The following GRID1 variants were observed in gnomAD, a reference collection of about 807,000 sequenced individuals.
The protein encoded by GRID1 is glutamate ionotropic receptor delta type subunit 1.
GRID1 carries 28 observed loss-of-function variants against 98.0 expected under a neutral mutation model. The observed-to-expected ratio is 0.29, with a 90% CI of 0.21 to 0.39. The LOEUF is 0.39. Ranked by LOEUF, GRID1 falls within the 10% of genes least tolerant of loss-of-function variation. The pLI, the probability that GRID1 is intolerant of heterozygous loss-of-function variation, is 1.00. For missense variants in GRID1, 1,111 were observed against 1,340.5 expected (o/e 0.83, Z 2.67); for synonymous variants, 553 against 538.5 (o/e 1.03, Z -0.37).
At chr10:85,911,702 T>C (rs1396999800) in intron 5 of GRID1, among the ~76,000 whole-genome samples, 1 of 152,190 alleles carries the variant, frequency 6.6e-6, no homozygotes, top group Non-Finnish European at 1.5e-5. Context: ...ACAAACACAG[T>C]GCTTCAAGTC....
intron 13 of GRID1, among the ~76,000 whole-genome samples, chr10:85,631,740 G>T (rs1467759996): frequency 1.3e-5 from 2 of 152,132 alleles, no homozygotes; most frequent in East Asian, 3.9e-4. Context: ...AATCTAATCT[G>T]AGTTATTCCA....
At chr10:86,194,060 C>G (rs1484917044) in intron 3 of GRID1, among the ~76,000 whole-genome samples, 1 of 152,130 alleles carries the variant, frequency 6.6e-6, no homozygotes, top group Non-Finnish European at 1.5e-5. Flanking sequence ...GGGGCCAGAA[C>G]AAGGTCTGTT....
At chr10:85,854,980 A>C (rs1843095429) in intron 7 of GRID1, among the ~76,000 whole-genome samples, 1 of 152,172 alleles carries the variant, frequency 6.6e-6, no homozygotes, top group Non-Finnish European at 1.5e-5. Flanking sequence ...CCAGGGGCTC[A>C]CCTTAGCCTA....
intron 8 of GRID1, among the ~76,000 whole-genome samples, chr10:85,774,725 A>G (rs1842311538): frequency 6.6e-6 from 1 of 150,990 alleles, no homozygotes; most frequent in Non-Finnish European, 1.5e-5. Flanking sequence ...ACATGAAAAA[A>G]TGCTCACCAT....
chr10:85,657,985 C>T (rs946417051), intron 12 of GRID1, among the ~76,000 whole-genome samples: 1 of 152,172 alleles, frequency 6.6e-6, no homozygotes, highest in Non-Finnish European at 1.5e-5. Flanking sequence ...TTTGCTGCCA[C>T]AAATCAAGAC....
chr10:85,810,316 C>A (rs1842659876), intron 8 of GRID1, among the ~76,000 whole-genome samples: 1 of 152,202 alleles, frequency 6.6e-6, no homozygotes, highest in Admixed American at 6.5e-5. Context: ...CTGCTCAGAG[C>A]CTGGGCCCAG....
intron 4 of GRID1, among the ~76,000 whole-genome samples, chr10:85,934,324 G>A (rs575924251): frequency 2.6e-5 from 4 of 151,680 alleles, no homozygotes; most frequent in East Asian, 1.9e-4. Flanking sequence ...CAAAAATAAC[G>A]TAAGTATAAA....
chr10:85,929,802 C>T (rs1841824794), intron 4 of GRID1, among the ~76,000 whole-genome samples: 1 of 152,214 alleles, frequency 6.6e-6, no homozygotes, highest in African/African-American at 2.4e-5. Flanking sequence ...TCATCTGTTT[C>T]TTTGGGATTT....
chr10:86,011,570 T>C (rs1842923923), intron 4 of GRID1, among the ~76,000 whole-genome samples: 1 of 152,182 alleles, frequency 6.6e-6, no homozygotes, highest in Non-Finnish European at 1.5e-5. Context: ...CTCAGATCTC[T>C]AAATCTGAGG....
intron 12 of GRID1, among the ~76,000 whole-genome samples, chr10:85,685,879 T>A (rs1841263281): frequency 6.6e-6 from 1 of 152,004 alleles, no homozygotes; most frequent in Admixed American, 6.5e-5. Flanking sequence ...TTATGATACA[T>A]AGTGATGTAT....
intron 2 of GRID1, among the ~76,000 whole-genome samples, chr10:86,356,722 G>A (rs7904985): frequency 0.24 from 36,000 of 152,158 alleles, 4,909 homozygotes; most frequent in South Asian, 0.45. Context: ...CTCATACAAC[G>A]GGAAACACAG....
chr10:86,269,314 G>A (rs542806605), intron 2 of GRID1, among the ~76,000 whole-genome samples: 5 of 152,316 alleles, frequency 3.3e-5, no homozygotes, highest in East Asian at 3.9e-4. Context: ...GCTCCAGCAC[G>A]GCCAGGTAAC....
intron 4 of GRID1, among the ~76,000 whole-genome samples, chr10:86,135,357 C>T (rs899430481): frequency 6.6e-6 from 1 of 152,178 alleles, no homozygotes; most frequent in Admixed American, 6.5e-5. Context: ...GCAGAACAGG[C>T]CCCCCTGGAG....
chr10:85,833,626 A>G (rs1400253227), intron 8 of GRID1, among the ~76,000 whole-genome samples: 4 of 152,210 alleles, frequency 2.6e-5, no homozygotes, highest in Non-Finnish European at 5.9e-5. Context: ...AACTTGAATA[A>G]GAAAAAATGA....
chr10:85,980,126 A>G (rs957442232), intron 4 of GRID1, among the ~76,000 whole-genome samples: 1 of 152,042 alleles, frequency 6.6e-6, no homozygotes, highest in African/African-American at 2.4e-5. Context: ...CTCCTTCCCC[A>G]CCTGGGACTT....
chr10:85,649,325 A>G (rs552182014), intron 12 of GRID1, among the ~76,000 whole-genome samples: 62 of 152,212 alleles, frequency 4.1e-4, no homozygotes, highest in Non-Finnish European at 7.9e-4. Context: ...TCGTTTCAAT[A>G]CATTACAGAT....
At chr10:86,317,990 C>A (rs552295171) in intron 2 of GRID1, among the ~76,000 whole-genome samples, 2 of 152,176 alleles carry the variant, frequency 1.3e-5, no homozygotes, top group Non-Finnish European at 2.9e-5. Context: ...ATCCTCCCAC[C>A]TTGGTCTCCC....
At chr10:86,169,118 A>G (rs1845443356) in intron 3 of GRID1, among the ~76,000 whole-genome samples, 1 of 152,228 alleles carries the variant, frequency 6.6e-6, no homozygotes, top group Admixed American at 6.5e-5. Flanking sequence ...CAAGAGCTAG[A>G]CCGGACTGCA....
intron 12 of GRID1, among the ~76,000 whole-genome samples, chr10:85,714,989 T>C (rs1453567673): frequency 6.6e-6 from 1 of 152,080 alleles, no homozygotes; most frequent in Non-Finnish European, 1.5e-5. Context: ...GATTTCGAAA[T>C]ACAGTATAGA....
Sources: allele counts gnomAD v4.1 joint callset (sites outside exome capture counted in the v4.1 genomes callset), GRCh38; gene constraint gnomAD v4.1.1; transcripts MANE v1.5; gene names NCBI Gene and HGNC (gene_info 2026-07-23, HGNC 2026-07-21).